TMEM50B: variants seen among roughly 807,000 people sequenced by gnomAD.
TMEM50B encodes the protein transmembrane protein 50B.
In TMEM50B, 14 loss-of-function variants were observed where a neutral mutation model predicts 23.4. That is an observed-to-expected ratio of 0.60 (90% CI 0.39 to 0.93). TMEM50B has a LOEUF of 0.93. TMEM50B is among the 40% of genes least tolerant of loss of function. The pLI, the probability that TMEM50B is intolerant of heterozygous loss-of-function variation, is 0.00. For synonymous variants in TMEM50B, 64 were observed against 62.3 expected, an observed-to-expected ratio of 1.03 and a Z score of -0.13; for missense variants, 159 against 193.0, an observed-to-expected ratio of 0.82 and a Z score of 1.04.
chr21:33,455,634 T>C (rs894315850), intron 6 of TMEM50B, 93 bp downstream of exon 6: 1 of 1,063,296 alleles, frequency 9.4e-7, no homozygotes, highest in Non-Finnish European at 1.4e-6. Flanking sequence ...AACCAATCCA[T>C]GGGATTTATA....
intron 4 of TMEM50B, among the ~76,000 whole-genome samples, chr21:33,463,029 T>C (rs544850934): frequency 6.6e-6 from 1 of 152,222 alleles, no homozygotes; most frequent in Non-Finnish European, 1.5e-5. Context: ...TGGTGGTTCA[T>C]GCCTGTAATC....
chr21:33,432,578 T>G, exon 9 of TMEM50B: 1 of 995,442 alleles, frequency 1.0e-6, no homozygotes. Flanking sequence ...GCATACCAGG[T>G]GAGGGTGGGG....
At chr21:33,470,685 C>T (rs1415519160) in intron 1 of TMEM50B, among the ~76,000 whole-genome samples, 1 of 152,100 alleles carries the variant, frequency 6.6e-6, no homozygotes, top group Admixed American at 6.6e-5. Flanking sequence ...TGCAGTGAGC[C>T]ACTGCCCTCC....
At chr21:33,436,765 T>A in intron 8 of TMEM50B, 2 of 1,330,894 alleles carry the variant, frequency 1.5e-6, no homozygotes, top group African/African-American at 1.5e-5. Context: ...AAAACTAAAG[T>A]TAAAAGGTCT....
chr21:33,436,904 C>G (rs1189651378), intron 8 of TMEM50B: 4 of 1,613,862 alleles, frequency 2.5e-6, no homozygotes, highest in African/African-American at 1.3e-5. Flanking sequence ...GTCTGGGACT[C>G]TGTGTCCATT....
rs770663375 is a variant in TMEM50B at position 33,432,875 on chromosome 21, C to T, written c.*2121-73G>A. On this transcript the variant is annotated intron_variant and NMD_transcript_variant, in intron 8 of 8. Transcript: ENST00000420455. ...CATCCCATTACAGATAGAAGAGGTA[C>T]GTGTGCACACATCTCTTTTTTTTTT... The T allele has an allele frequency of 1.3e-5, 21 of 1,603,566 alleles. No individual in the cohort carries two copies. The highest frequency in any genetic ancestry group is 4.5e-5 in the East Asian group (2 of 44,744).
chr21:33,464,730 G>C (rs1018366198), intron 4 of TMEM50B, among the ~76,000 whole-genome samples: 2 of 148,500 alleles, frequency 1.3e-5, no homozygotes, highest in African/African-American at 4.9e-5. Context: ...CTTGAACCCA[G>C]GGGGTGGAGG....
chr21:33,440,731 G>A (rs4816454), intron 7 of TMEM50B, among the ~76,000 whole-genome samples: 150,855 of 151,898 alleles, frequency 0.99, 74,913 homozygotes, highest in East Asian at 1. Flanking sequence ...AAAATACAAA[G>A]ATTAGCTGGG....
Position 33,460,460 on chromosome 21 carries a change from G to A in TMEM50B, c.326C>T (p.Ser109Leu). ...AAGAATCCACATGGAAGCAATAAGTGACCCAAACATCAACATGAAACCAAT... is the reference window on the plus strand; with the variant it reads ...AAGAATCCACATGGAAGCAATAAGTAACCCAAACATCAACATGAAACCAAT... ...LFIGFMLMFG[S>L]LIASMWILFG... is the part of the protein sequence containing the mutation. The change falls in exon 5 of 7, where the codon TCA (serine) becomes TTA (leucine). Residue 109 changes from serine (S) to leucine (L), a missense_variant. Physicochemically the swap from Ser to Leu is moderately radical, Grantham distance 145. Coordinates refer to ENST00000542230, the MANE Select transcript of TMEM50B (RefSeq NM_006134.7). 1 of 1,612,582 alleles carries A rather than the reference G, an allele frequency of 6.2e-7. No individual in the cohort carries two copies. Among genetic ancestry groups the A allele is most frequent in the Non-Finnish European group, 8.5e-7 (1 of 1,179,430 alleles).
At chr21:33,472,631 C>T (rs1268056794) in intron 1 of TMEM50B, among the ~76,000 whole-genome samples, 3 of 152,120 alleles carry the variant, frequency 2.0e-5, no homozygotes, top group African/African-American at 7.2e-5. Context: ...AATCCCAGCA[C>T]TTTGGGAGGC....
At chr21:33,459,925 T>C (rs190484875) in intron 5 of TMEM50B, among the ~76,000 whole-genome samples, 332 of 152,302 alleles carry the variant, frequency 2.2e-3, no homozygotes, top group African/African-American at 4.0e-3. Flanking sequence ...TTTTCATTCC[T>C]ACAATAAAAC....
At chr21:33,444,741 T>G (rs531606589), downstream of TMEM50B, among the ~76,000 whole-genome samples, 1 of 135,076 alleles carries the variant, frequency 7.4e-6, no homozygotes, top group East Asian at 2.3e-4. Context: ...GTGTGCAATG[T>G]TCATGCCTGT....
At chr21:33,463,277 G>C (rs2084233875) in intron 4 of TMEM50B, among the ~76,000 whole-genome samples, 1 of 152,230 alleles carries the variant, frequency 6.6e-6, no homozygotes, top group Non-Finnish European at 1.5e-5. Context: ...GGGTGACAGA[G>C]CGAGACTCCG....
rs893808684 is a variant in TMEM50B, at chr21:33,456,848, A to C, written c.374-1064T>G. On this transcript the variant is annotated intron_variant, in intron 5 of 6. Transcript: ENST00000542230. ...TCTAGCCTATAAAGTAATATATAAA[A>C]GTTAGCTATTACTATGAATATTAAT... Among the ~76,000 whole-genome samples, 23 of 152,266 alleles carry C rather than the reference A, an allele frequency of 1.5e-4. 1 individual carries two copies. The highest frequency in any genetic ancestry group is 5.3e-4 in the African/African-American group (22 of 41,470).
rs201322939 is a variant in TMEM50B, at chr21:33,432,888, C to CTTT, written c.*2121-87_*2121-86insAAA. 50 of 1,341,036 alleles carry CTTT rather than the reference C, an allele frequency of 3.7e-5. 2 individuals are homozygous for CTTT. The highest frequency in any genetic ancestry group is 1.1e-4 in the South Asian group (9 of 79,106). The allele number at this position is 1,341,036 out of a possible 1,614,324, so 83.1% of individuals were successfully genotyped here. ...ATAGAAGAGGTACGTGTGCACACAT[C>CTTT]TCTTTTTTTTTTTTTGAGACAGGGT... On this transcript the variant is annotated intron_variant and NMD_transcript_variant, in intron 8 of 8. Coordinates refer to the TMEM50B transcript ENST00000420455.
At position 33,450,882 on chromosome 21, in the gene TMEM50B, A is replaced by T. The variant is rs760807632; in HGVS notation, c.432-19T>A. 1 of 1,610,116 alleles carries T rather than the reference A, an allele frequency of 6.2e-7. No individual in the cohort carries two copies. On this transcript the variant is annotated intron_variant, in intron 6 of 6. Coordinates refer to ENST00000542230, the MANE Select transcript of TMEM50B (RefSeq NM_006134.7). ...CAGAGTGCTAGAAAGATAGGAAAAC[A>T]AATCATGAGGAAAAAACCGATGGAA...
downstream of TMEM50B, among the ~76,000 whole-genome samples, chr21:33,446,655 C>CAAAAAAAAAAAAAAAAAAAAAA (rs869154931): frequency 1.0e-4 from 2 of 19,190 alleles, no homozygotes; most frequent in Admixed American, 1.0e-3. Context: ...CACACACACA[C>CAAAAAAAAAAAAAAAAAAAAAA]AAAAAAAAAA....
At chr21:33,458,885 C>A (rs1018495545) in intron 5 of TMEM50B, among the ~76,000 whole-genome samples, 1 of 152,172 alleles carries the variant, frequency 6.6e-6, no homozygotes, top group South Asian at 2.1e-4. Context: ...TTTAAGCCAA[C>A]CACTGTCCTC....
intron 7 of TMEM50B, among the ~76,000 whole-genome samples, chr21:33,442,272 G>C (rs906315210): frequency 6.6e-6 from 1 of 152,084 alleles, no homozygotes; most frequent in East Asian, 1.9e-4. Context: ...GAGACTCAAG[G>C]ACTGTCCCAC....
Sources: gnomAD v4.1 joint callset for allele counts (sites outside exome capture counted in the v4.1 genomes callset) on GRCh38, gnomAD v4.1.1 for gene constraint, MANE v1.5 for transcripts, NCBI Gene and HGNC (gene_info 2026-07-23, HGNC 2026-07-21) for gene names.